The following MED12L variants were observed in gnomAD, a reference collection of about 807,000 sequenced individuals.
The protein encoded by MED12L is mediator complex subunit 12L.
Under a neutral mutation model 281.3 loss-of-function variants are expected in MED12L, and 60 were observed. The ratio of observed to expected loss-of-function variants is 0.21; its 90% CI spans 0.17 to 0.26. The LOEUF (loss-of-function observed/expected upper bound fraction) is 0.26, where lower values mean the gene tolerates loss of function less well. Among genes scored for constraint, MED12L ranks in the 10% least tolerant of loss-of-function variants. MED12L has a pLI of 1.00. For synonymous variants in MED12L, 974 were observed against 987.2 expected (o/e 0.99, Z 0.25); for missense variants, 2,146 against 2,680.9 (o/e 0.80, Z 4.41).
intron 16 of MED12L, among the ~76,000 whole-genome samples, chr3:151,281,617 T>C (rs1474106145): frequency 1.3e-5 from 2 of 152,176 alleles, no homozygotes; most frequent in African/African-American, 4.8e-5. Context: ...TTATCTGTGG[T>C]GTTTTGATTT....
intron 16 of MED12L, among the ~76,000 whole-genome samples, chr3:151,317,640 C>T (rs1045430771): frequency 1.3e-5 from 2 of 151,090 alleles, no homozygotes; most frequent in Non-Finnish European, 3.0e-5. Context: ...TTAGTAGAGA[C>T]GGGGTTTCTC....
In MED12L at chr3:151,385,193, C is replaced by A; in HGVS notation, c.5088+2C>A. The A allele has an allele frequency of 1.5e-6, 2 of 1,321,486 alleles. No individual in the cohort carries two copies. Among genetic ancestry groups the A allele is most frequent in the Non-Finnish European group, 2.1e-6 (2 of 947,664 alleles). The allele number at this position is 1,321,486 out of a possible 1,614,324, so 81.9% of individuals were successfully genotyped here. On this transcript the variant is annotated splice_donor_variant, in intron 36 of 44. Coordinates refer to ENST00000687756, the MANE Select transcript of MED12L (RefSeq NM_001393769.1). LOFTEE classifies it high-confidence loss of function. ...TTTGACTCTATAGATAAAAAACAGGCAAGAGTGAATGTTTTTTCTTATATA... is the reference window on the plus strand; with the variant it reads ...TTTGACTCTATAGATAAAAAACAGGAAAGAGTGAATGTTTTTTCTTATATA...
chr3:151,416,035 CCCCGGA>C (rs1270117355), intron 42 of MED12L, among the ~76,000 whole-genome samples: 2 of 152,038 alleles, frequency 1.3e-5, no homozygotes, highest in Non-Finnish European at 2.9e-5. Context: ...GAAGGGATGG[CCCCGGA>C]CAGCGCAGTG....
chr3:151,425,805 T>G (rs1718816712), intron 43 of MED12L: 2 of 451,100 alleles, frequency 4.4e-6, no homozygotes, highest in Non-Finnish European at 9.0e-6. Flanking sequence ...TACACAGTAC[T>G]AAGGATACAA....
At chr3:151,377,249 A>T in intron 30 of MED12L, 71 bp downstream of exon 30, 1 of 1,294,424 alleles carries the variant, frequency 7.7e-7, no homozygotes, top group Non-Finnish European at 1.1e-6. Flanking sequence ...TGTGTAGCAC[A>T]GTGATTTTTC....
chr3:151,232,200 A>G (rs1300475199), intron 16 of MED12L, among the ~76,000 whole-genome samples: 1 of 151,906 alleles, frequency 6.6e-6, no homozygotes. Flanking sequence ...TTCTCTTTCT[A>G]TATACTCCTC....
At chr3:151,339,743 G>T (rs554705948) in intron 16 of MED12L, among the ~76,000 whole-genome samples, 1 of 151,862 alleles carries the variant, frequency 6.6e-6, no homozygotes, top group African/African-American at 2.4e-5. Flanking sequence ...AGTGTGTAAT[G>T]GTAGCTAAAA....
At chr3:151,351,041 T>C (rs976729033) in intron 17 of MED12L, among the ~76,000 whole-genome samples, 1 of 152,242 alleles carries the variant, frequency 6.6e-6, no homozygotes, top group Non-Finnish European at 1.5e-5. Context: ...TTGTGTTTAC[T>C]CTATGTAAAC....
chr3:151,156,713 T>A (rs1719337438), intron 6 of MED12L, among the ~76,000 whole-genome samples: 1 of 152,138 alleles, frequency 6.6e-6, no homozygotes. Flanking sequence ...CAGAGAAAGG[T>A]CATCTTAATT....
chr3:151,360,324 C>T (rs1754458819), intron 20 of MED12L, 150 bp from the exon 21 acceptor site: 1 of 641,282 alleles, frequency 1.6e-6, no homozygotes, highest in East Asian at 3.0e-5. Flanking sequence ...TTATATTGTA[C>T]TGAGTTATTT....
intron 16 of MED12L, among the ~76,000 whole-genome samples, chr3:151,201,364 T>C (rs1237625195): frequency 2.0e-5 from 3 of 152,166 alleles, no homozygotes; most frequent in Non-Finnish European, 4.4e-5. Context: ...CAGATTAAGA[T>C]TGGGATTGGT....
intron 16 of MED12L, among the ~76,000 whole-genome samples, chr3:151,230,050 A>C (rs1731334221): frequency 6.6e-6 from 1 of 151,818 alleles, no homozygotes; most frequent in Non-Finnish European, 1.5e-5. Context: ...GCTCACTGCA[A>C]GCTTCGCCTG....
chr3:151,369,688 G>A (rs1431940791), intron 26 of MED12L, 139 bp downstream of exon 26: 1 of 547,192 alleles, frequency 1.8e-6, no homozygotes, highest in African/African-American at 1.9e-5. Flanking sequence ...AAAATTAGTG[G>A]TTTCTCCTAG....
At chr3:151,419,518 A>G (rs1718002281) in intron 43 of MED12L, among the ~76,000 whole-genome samples, 2 of 152,168 alleles carry the variant, frequency 1.3e-5, no homozygotes, top group South Asian at 2.1e-4. Flanking sequence ...TGCCTTCCCC[A>G]TCGCACTGAC....
At chr3:151,404,586 A>G (rs1213200058) in intron 39 of MED12L, among the ~76,000 whole-genome samples, 1 of 152,248 alleles carries the variant, frequency 6.6e-6, no homozygotes, top group Non-Finnish European at 1.5e-5. Context: ...TAGGAGTTAT[A>G]AATAAAACCC....
At chr3:151,124,367 C>T (rs1449684068) in intron 4 of MED12L, among the ~76,000 whole-genome samples, 1 of 152,094 alleles carries the variant, frequency 6.6e-6, no homozygotes, top group Non-Finnish European at 1.5e-5. Flanking sequence ...CTCAGGTAAG[C>T]CCTGATGTTA....
intron 3 of MED12L, among the ~76,000 whole-genome samples, chr3:151,120,828 G>A (rs374923383): frequency 4.6e-5 from 7 of 152,160 alleles, no homozygotes; most frequent in African/African-American, 1.4e-4. Flanking sequence ...ATCATGTTTT[G>A]ACCTTTTTTG....
Position 151,387,924 on chromosome 3 carries a change from G to T in MED12L, c.5203G>T (p.Val1735Leu). The change falls in exon 37 of 45, where the codon GTG (valine) becomes TTG (leucine). Residue 1735 changes from valine to leucine, a missense_variant. Around this residue, in one of 9 missense-constraint regions of MED12L, gnomAD observed 496 missense variants for 512.0 expected, o/e 0.97. Coordinates refer to ENST00000687756, the MANE Select transcript of MED12L (RefSeq NM_001393769.1). ...WFGTVRVDRR[V>L]IKYEEQHHLL... ...TGGGACAGTCCGAGTGGACCGAAGA[G>T]TGATCAAGTACGAGGAGCAGCATCA... 1 of 1,614,100 alleles carries T rather than the reference G, an allele frequency of 6.2e-7. No individual in the cohort carries two copies. The highest frequency in any genetic ancestry group is 8.5e-7 in the Non-Finnish European group (1 of 1,180,006).
At chr3:151,164,569 A>G (rs1267458070) in intron 9 of MED12L, among the ~76,000 whole-genome samples, 2 of 152,196 alleles carry the variant, frequency 1.3e-5, no homozygotes, top group African/African-American at 4.8e-5. Flanking sequence ...TTGCAGCACT[A>G]TTCGCAATAG....
Sources: allele counts gnomAD v4.1 joint callset (sites outside exome capture counted in the v4.1 genomes callset), GRCh38; gene constraint gnomAD v4.1.1; regional missense constraint gnomAD v4.1.1; transcripts MANE v1.5; gene names NCBI Gene and HGNC (gene_info 2026-07-23, HGNC 2026-07-21).